RGL1: variants seen among roughly 807,000 people sequenced by gnomAD.
RGL1 encodes the protein ral guanine nucleotide dissociation stimulator-like 1.
A neutral mutation model predicts 95.2 loss-of-function variants in RGL1; 24 were observed. The ratio of observed to expected loss-of-function variants is 0.25; its 90% CI spans 0.18 to 0.35. The LOEUF is 0.35. RGL1 is among the 10% of genes least tolerant of loss of function. The pLI is 1.00. For synonymous variants in RGL1, 329 were observed against 344.9 expected, an observed-to-expected ratio of 0.95 and a Z score of 0.51; for missense variants, 715 against 936.3, an observed-to-expected ratio of 0.76 and a Z score of 3.08.
At chr1:183,768,986 A>G (rs4592228) in intron 2 of RGL1, among the ~76,000 whole-genome samples, 66,090 of 152,026 alleles carry the variant, frequency 0.43, 15,544 homozygotes, top group East Asian at 0.76. Flanking sequence ...ACCTTTTCTT[A>G]ATTGGGAATT....
chr1:183,759,094 C>T (rs1658513500), intron 2 of RGL1, among the ~76,000 whole-genome samples: 2 of 152,050 alleles, frequency 1.3e-5, no homozygotes, highest in South Asian at 4.2e-4. Flanking sequence ...TCCTTCTGAG[C>T]TTGGTTAGTC....
chr1:183,808,747 ATCTCTC>A, intron 2 of RGL1, among the ~76,000 whole-genome samples: 1 of 150,694 alleles, frequency 6.6e-6, no homozygotes, highest in Admixed American at 6.6e-5. Context: ...TGTTGTGATG[ATCTCTC>A]TCTCTCTCTT....
chr1:183,779,172 CTT>C, intron 2 of RGL1, among the ~76,000 whole-genome samples: 1 of 109,434 alleles, frequency 9.1e-6, no homozygotes, highest in African/African-American at 3.5e-5. Flanking sequence ...TCCTTCCTTC[CTT>C]CCTTCCTTCC....
chr1:183,699,355 C>T (rs561337891), intron 1 of RGL1, among the ~76,000 whole-genome samples: 1 of 152,190 alleles, frequency 6.6e-6, no homozygotes, highest in African/African-American at 2.4e-5. Flanking sequence ...TCCAAAATTG[C>T]TCCAGGTCGT....
chr1:183,771,816 C>T (rs1659288153), intron 2 of RGL1, among the ~76,000 whole-genome samples: 1 of 152,206 alleles, frequency 6.6e-6, no homozygotes, highest in African/African-American at 2.4e-5. Flanking sequence ...GCCATGCCCC[C>T]ATCCTGGGCC....
chr1:183,782,734 A>C (rs1327470123), intron 2 of RGL1, among the ~76,000 whole-genome samples: 2 of 152,226 alleles, frequency 1.3e-5, no homozygotes, highest in Non-Finnish European at 2.9e-5. Context: ...GATTGCTGTC[A>C]TATTTTCTAA....
At chr1:183,659,191 A>G (rs1651423618) in intron 1 of RGL1, among the ~76,000 whole-genome samples, 1 of 152,240 alleles carries the variant, frequency 6.6e-6, no homozygotes, top group African/African-American at 2.4e-5. Flanking sequence ...CCGGCAATGG[A>G]ACAAAGCTGG....
At chr1:183,858,842 C>T (rs557496476) in intron 3 of RGL1, among the ~76,000 whole-genome samples, 43 of 151,730 alleles carry the variant, frequency 2.8e-4, no homozygotes, top group Admixed American at 2.0e-3. Context: ...AAGCTATAGG[C>T]GAAAAAGAAA....
At chr1:183,843,371 A>G (rs2491433) in intron 2 of RGL1, among the ~76,000 whole-genome samples, 121,263 of 152,166 alleles carry the variant, frequency 0.8, 48,476 homozygotes, top group Middle Eastern at 0.88. Context: ...AGGGACTTAC[A>G]GGAATCATGT....
At chr1:183,764,119 G>A (rs1307601528) in intron 2 of RGL1, among the ~76,000 whole-genome samples, 2 of 152,218 alleles carry the variant, frequency 1.3e-5, no homozygotes, top group Non-Finnish European at 2.9e-5. Flanking sequence ...AGATATGGGT[G>A]TATTATTACC....
chr1:183,885,239 C>T lies in RGL1; in HGVS notation c.951+301C>T, dbSNP rs540788257. Among the ~76,000 whole-genome samples the T allele has an allele frequency of 9.8e-5, 15 of 152,304 alleles. No individual in the cohort carries two copies. In the South Asian group the frequency reaches 1.9e-3, roughly 19 times the overall value. ...CTGTCTGCTTTCCCCTTTGTATTCA[C>T]GACAAGACTGAGTGTTGGTTTCAGC... is the stretch of plus-strand genomic sequence containing the variant. On this transcript the variant is annotated intron_variant, in intron 7 of 17. Transcript: ENST00000360851.
intron 2 of RGL1, among the ~76,000 whole-genome samples, chr1:183,843,834 T>C (rs1294506541): frequency 2.0e-5 from 3 of 152,088 alleles, no homozygotes; most frequent in South Asian, 2.1e-4. Context: ...TTTTTTTGTT[T>C]GTTTGCTTTT....
At chr1:183,864,314 G>A (rs959668551) in intron 3 of RGL1, among the ~76,000 whole-genome samples, 2 of 152,192 alleles carry the variant, frequency 1.3e-5, no homozygotes, top group Non-Finnish European at 1.5e-5. Context: ...AACATGGAAT[G>A]TAACAAAAAC....
chr1:183,925,737 G>A (rs1669577921), intron 17 of RGL1, among the ~76,000 whole-genome samples: 1 of 152,214 alleles, frequency 6.6e-6, no homozygotes, highest in Non-Finnish European at 1.5e-5. Flanking sequence ...GACTGCAGGA[G>A]AAACGAAACC....
chr1:183,724,957 G>A lies in RGL1; in HGVS notation c.-32-17169G>A, dbSNP rs1255960349. On this transcript the variant is annotated intron_variant, in intron 1 of 18. Transcript: ENST00000304685. The surrounding 1 kb of genome is among the most constrained non-coding windows in gnomAD (Gnocchi z 4.1). Reference sequence around the variant, plus strand: ...TGTGTCATCTCTCCCCCAGCTCTAGGCACCACAACACACACACACACACAC... The same window carrying A: ...TGTGTCATCTCTCCCCCAGCTCTAGACACCACAACACACACACACACACAC... Among the ~76,000 whole-genome samples the A allele has an allele frequency of 7.8e-6, 1 of 128,362 alleles. No individual in the cohort carries two copies. The highest frequency in any genetic ancestry group is 1.7e-5 in the Non-Finnish European group (1 of 57,850). 84.2% of individuals were successfully genotyped at this position (128,362 alleles called of 152,430 possible).
At position 183,806,386 on chromosome 1, in the gene RGL1, G is replaced by A; in HGVS notation, c.39G>A (p.Gln13=). The stretch of plus-strand genomic sequence containing the variant: ...CCCGTCCCTGGCAGAGCTCGATTCA[G>A]GACTGGGGTGAAGAGGTAGAGGAAG... ...LLWQAKMSSI[Q]DWGEEVEEGA... is the part of the protein sequence containing the mutation. The change falls in exon 2 of 18, where the codon CAG becomes CAA. Residue 13 remains glutamine, a synonymous_variant. Transcript: ENST00000360851. The A allele has an allele frequency of 6.2e-7, 1 of 1,613,634 alleles. No homozygotes were observed. The highest frequency in any genetic ancestry group is 8.5e-7 in the Non-Finnish European group (1 of 1,179,678).
intron 2 of RGL1, among the ~76,000 whole-genome samples, chr1:183,791,433 T>C (rs1660437091): frequency 1.3e-5 from 2 of 152,244 alleles, no homozygotes; most frequent in African/African-American, 2.4e-5. Context: ...TTTTCTTTTC[T>C]TTCCACCTTC....
Position 183,795,327 on chromosome 1 carries a change from G to A in RGL1, c.133-11048G>A, listed in dbSNP as rs570928914. Reference sequence around the variant, plus strand: ...GAGTTAACAGTCTAATGGGAGAAACGGGAGAAACAGACATTTATCAAATAA... The same window carrying A: ...GAGTTAACAGTCTAATGGGAGAAACAGGAGAAACAGACATTTATCAAATAA... On this transcript the variant is annotated intron_variant, in intron 2 of 18. Coordinates refer to the RGL1 transcript ENST00000304685. 9.4e-4 allele frequency among the ~76,000 whole-genome samples: 143 copies of A among 152,318 alleles called. 1 individual carries two copies. The highest frequency in any genetic ancestry group is 1.9e-3 in the Non-Finnish European group (126 of 68,038).
intron 2 of RGL1, among the ~76,000 whole-genome samples, chr1:183,815,189 G>A (rs556138077): frequency 3.3e-5 from 5 of 151,898 alleles, no homozygotes; most frequent in African/African-American, 1.2e-4. Flanking sequence ...CAGGAGAATC[G>A]CCTGAACCTG....
Sources: gnomAD v4.1 joint callset for allele counts (sites outside exome capture counted in the v4.1 genomes callset) on GRCh38, gnomAD v4.1.1 for gene constraint, Gnocchi (gnomAD v3.1) non-coding constraint, MANE v1.5 for transcripts, NCBI Gene and HGNC (gene_info 2026-07-23, HGNC 2026-07-21) for gene names.